FAT1: variants seen among roughly 807,000 people sequenced by gnomAD.
The protein encoded by FAT1 is FAT atypical cadherin 1.
FAT1 carries 171 observed loss-of-function variants against 329.8 expected under a neutral mutation model. That is an observed-to-expected ratio of 0.52 (90% confidence interval 0.46 to 0.59). FAT1 has a LOEUF of 0.59. Among genes scored for constraint, FAT1 ranks in the 20% least tolerant of loss-of-function variants. The probability of loss-of-function intolerance (pLI) is 0.00; values close to 1 mark genes in which losing one functional copy is unlikely to be tolerated. For synonymous variants in FAT1, 2,233 were observed against 2,228.6 expected (o/e 1.00, Z -0.06); for missense variants, 5,672 against 5,774.4 (o/e 0.98, Z 0.57).
chr4:186,638,509 A>G (rs1356752457), intron 4 of FAT1, among the ~76,000 whole-genome samples: 2 of 152,066 alleles, frequency 1.3e-5, no homozygotes, highest in African/African-American at 2.4e-5. Flanking sequence ...CGAACTTTAC[A>G]CCCTATGAAC....
intron 10 of FAT1, 83 bp from the exon 11 acceptor site, chr4:186,617,284 G>T: frequency 1.1e-6 from 1 of 945,254 alleles, no homozygotes; most frequent in Non-Finnish European, 1.5e-6. Context: ...CTGTACAAAA[G>T]ATGTATAATG....
rs201874529 is a variant in FAT1 at position 186,611,513 on chromosome 4, G to C, written c.9726C>G (p.Asp3242Glu). Residue 3242 changes from aspartate to glutamate, a missense_variant, in exon 14 of 27, where the codon GAC becomes GAG. Asp to Glu is a conservative substitution (Grantham distance 45). Around this residue, in one of 2 missense-constraint regions of FAT1, gnomAD observed 1,706 missense variants for 1,859.1 expected, o/e 0.92. Transcript: ENST00000441802. ...GAAGAACTTCAGTTCCAACAAGAAT[G>C]TCCTCAGACACGGTGGCACCATATT... ...YREYGATVSEDILVGTEVLQV... is the reference protein window; with the variant it reads ...YREYGATVSEEILVGTEVLQV... The C allele has an allele frequency of 1.2e-4, 193 of 1,613,832 alleles. No homozygotes were observed. The highest frequency in any genetic ancestry group is 1.6e-4 in the Non-Finnish European group (183 of 1,179,884).
At chr4:186,665,997 G>T (rs1742417495) in intron 2 of FAT1, among the ~76,000 whole-genome samples, 1 of 140,220 alleles carries the variant, frequency 7.1e-6, no homozygotes, top group Non-Finnish European at 1.5e-5. Context: ...GAGAACACAT[G>T]GACACAGGGT....
chr4:186,653,862 T>C (rs1455252807), intron 3 of FAT1, among the ~76,000 whole-genome samples: 1 of 152,194 alleles, frequency 6.6e-6, no homozygotes, highest in East Asian at 1.9e-4. Context: ...TGGCCCTTTA[T>C]AGAAACAGTT....
At chr4:186,712,288 T>C (rs898277843) in intron 1 of FAT1, among the ~76,000 whole-genome samples, 1 of 152,132 alleles carries the variant, frequency 6.6e-6, no homozygotes, top group Non-Finnish European at 1.5e-5. Context: ...CTGTTAACAG[T>C]GGTAACTTCT....
At chr4:186,712,043 A>T (rs1203456973) in intron 1 of FAT1, among the ~76,000 whole-genome samples, 5 of 152,226 alleles carry the variant, frequency 3.3e-5, no homozygotes, top group Non-Finnish European at 5.9e-5. Flanking sequence ...ACAAAATATT[A>T]TACCAGGATT....
rs761444021 is a variant in FAT1, at chr4:186,613,291, T to C, written c.9281A>G (p.His3094Arg). 6.2e-6 allele frequency: 10 copies of C among 1,613,910 alleles called. No individual in the cohort carries two copies. The African/African-American group carries it at 9.3e-5, about 15-fold the overall frequency. ...PLDREEQAVY[H>R]LLVRATDGGG... ...TCCATCTGTGGCCCTGACGAGAAGATGATAAACAGCTTGCTCCTCACGATC... is the reference window on the plus strand; with the variant it reads ...TCCATCTGTGGCCCTGACGAGAAGACGATAAACAGCTTGCTCCTCACGATC... Residue 3094 changes from histidine to arginine, a missense_variant, in exon 13 of 27, where the codon CAT becomes CGT. Around this residue, in one of 2 missense-constraint regions of FAT1, gnomAD observed 3,966 missense variants for 3,915.2 expected, o/e 1.01. Coordinates refer to ENST00000441802, the MANE Select transcript of FAT1 (RefSeq NM_005245.4).
Position 186,707,639 on chromosome 4 carries a change from TG to T in FAT1, c.2188del (p.Gln730SerfsTer7). On this transcript the variant is annotated frameshift_variant, in exon 2 of 27. Transcript: ENST00000441802. LOFTEE classifies it high-confidence loss of function. ...LPTGIQVKEN[Q>X]PVGSSVIFMN... ...GAAAATTACACTGGAACCCACAGGC[TG>T]GTTTTCCTTTACCTGAATACCAGTC... 1 of 1,614,046 alleles carries T rather than the reference TG, an allele frequency of 6.2e-7. No homozygotes were observed. Among genetic ancestry groups the T allele is most frequent in the Non-Finnish European group, 8.5e-7 (1 of 1,179,898 alleles).
chr4:186,606,235 T>TGCA, intron 16 of FAT1, 22 bp from the exon 17 acceptor site: 1 of 1,612,198 alleles, frequency 6.2e-7, no homozygotes, highest in Non-Finnish European at 8.5e-7. Context: ...AAAGACAGAA[T>TGCA]GCACGTTCAT....
chr4:186,629,029 G>A (rs1740458598), intron 7 of FAT1, among the ~76,000 whole-genome samples: 3 of 152,130 alleles, frequency 2.0e-5, no homozygotes, highest in South Asian at 2.1e-4. Flanking sequence ...TTTCACACTT[G>A]CCACGTCTTT....
chr4:186,674,294 G>T (rs761463354), intron 2 of FAT1, among the ~76,000 whole-genome samples: 126 of 152,328 alleles, frequency 8.3e-4, no homozygotes, highest in Non-Finnish European at 1.4e-3. Context: ...TACCTTACCA[G>T]TTAGTCATCT....
At chr4:186,664,905 T>C (rs1425590734) in intron 2 of FAT1, among the ~76,000 whole-genome samples, 1 of 152,200 alleles carries the variant, frequency 6.6e-6, no homozygotes, top group Non-Finnish European at 1.5e-5. Flanking sequence ...TTACCTATGC[T>C]CAGCAATGAA....
At chr4:186,638,029 T>C (rs992638480) in intron 4 of FAT1, among the ~76,000 whole-genome samples, 6 of 152,258 alleles carry the variant, frequency 3.9e-5, no homozygotes, top group African/African-American at 1.2e-4. Flanking sequence ...CTATGTTTTT[T>C]AGTATTCATC....
At chr4:186,720,353 T>G (rs1745412408) in intron 1 of FAT1, among the ~76,000 whole-genome samples, 1 of 151,702 alleles carries the variant, frequency 6.6e-6, no homozygotes, top group African/African-American at 2.4e-5. Context: ...ATTTAAGTCA[T>G]AGTCAAGATT....
At chr4:186,700,671 G>A (rs1744264485) in intron 2 of FAT1, among the ~76,000 whole-genome samples, 1 of 152,190 alleles carries the variant, frequency 6.6e-6, no homozygotes, top group Non-Finnish European at 1.5e-5. Flanking sequence ...AAGAGTAAGA[G>A]GAGTAAAATG....
Position 186,663,410 on chromosome 4 carries a change from A to G in FAT1, c.3469T>C (p.Ser1157Pro), listed in dbSNP as rs1363407975. 5 of 1,613,926 alleles carry G rather than the reference A, an allele frequency of 3.1e-6. No homozygotes were observed. The highest frequency in any genetic ancestry group is 4.2e-6 in the Non-Finnish European group (5 of 1,179,906). The change falls in exon 3 of 27, where the codon TCT becomes CCT. Residue 1157 changes from serine to proline, a missense_variant. By Grantham distance (74) the Ser-to-Pro change is moderately conservative (BLOSUM62 -1). This residue lies in a region of FAT1 where 3,966 missense variants were observed against 3,915.2 expected (regional missense o/e 1.01). Coordinates refer to ENST00000441802, the MANE Select transcript of FAT1 (RefSeq NM_005245.4). Reference protein sequence around the residue: ...EIMENSPKDVSVVQIEAFDPD... With the variant: ...EIMENSPKDVPVVQIEAFDPD... The stretch of plus-strand genomic sequence containing the variant: ...TCAAATGCCTCGATCTGGACCACAG[A>G]TACATCTTTAGGAGAATTTTCCATG...
intron 22 of FAT1, 97 bp downstream of exon 22, chr4:186,599,801 G>C: frequency 1.1e-6 from 1 of 951,462 alleles, no homozygotes; most frequent in Non-Finnish European, 1.6e-6. Flanking sequence ...AAAATTATCT[G>C]AATCAAAAGA....
intron 3 of FAT1, among the ~76,000 whole-genome samples, chr4:186,658,304 A>C (rs1016966990): frequency 6.6e-5 from 10 of 152,346 alleles, no homozygotes; most frequent in Middle Eastern, 3.4e-3. Context: ...ACCATAATTA[A>C]GCACAAAAAC....
At chr4:186,662,859 T>G (rs915415388) in intron 3 of FAT1, among the ~76,000 whole-genome samples, 3 of 151,880 alleles carry the variant, frequency 2.0e-5, no homozygotes, top group Non-Finnish European at 4.4e-5. Context: ...TTTTTTGAGA[T>G]GGAGTCTCAC....
Sources: allele counts gnomAD v4.1 joint callset (sites outside exome capture counted in the v4.1 genomes callset), GRCh38; gene constraint gnomAD v4.1.1; regional missense constraint gnomAD v4.1.1; transcripts MANE v1.5; gene names NCBI Gene and HGNC (gene_info 2026-07-23, HGNC 2026-07-21).